The following NRXN3 variants were observed in gnomAD, a reference collection of about 807,000 sequenced individuals.
NRXN3 encodes neurexin III.
Under a neutral mutation model 137.6 loss-of-function variants are expected in NRXN3, and 32 were observed. The ratio of observed to expected loss-of-function variants is 0.23; its 90% CI spans 0.18 to 0.31. The LOEUF is 0.31. Ranked by LOEUF, NRXN3 falls within the 10% of genes least tolerant of loss-of-function variation. The pLI, the probability that NRXN3 is intolerant of heterozygous loss-of-function variation, is 1.00. For synonymous variants in NRXN3, 798 were observed against 784.5 expected (o/e 1.02, Z -0.29); for missense variants, 1,574 against 2,062.5 (o/e 0.76, Z 4.59).
chr14:78,512,865 G>A (rs1430261254), intron 4 of NRXN3, among the ~76,000 whole-genome samples: 1 of 152,134 alleles, frequency 6.6e-6, no homozygotes, highest in Non-Finnish European at 1.5e-5. Context: ...TATTCTTTCT[G>A]AGAAGGAAGT....
intron 15 of NRXN3, among the ~76,000 whole-genome samples, chr14:79,315,144 C>T (rs1011950290): frequency 2.6e-5 from 4 of 152,062 alleles, no homozygotes; most frequent in African/African-American, 9.7e-5. Context: ...TGTTGATTCC[C>T]ACGGCTGAGC....
chr14:78,997,060 A>T (rs539872145), intron 15 of NRXN3, among the ~76,000 whole-genome samples: 1 of 152,250 alleles, frequency 6.6e-6, no homozygotes, highest in East Asian at 1.9e-4. Context: ...ATCAGGGCTA[A>T]TATTAATATG....
intron 15 of NRXN3, among the ~76,000 whole-genome samples, chr14:79,360,115 A>G (rs1454640288): frequency 1.3e-5 from 2 of 152,226 alleles, no homozygotes; most frequent in Non-Finnish European, 2.9e-5. Flanking sequence ...GAGGCCACAA[A>G]TCAAGGTGGT....
At chr14:79,837,757 A>G (rs1389857168) in intron 20 of NRXN3, among the ~76,000 whole-genome samples, 1 of 152,162 alleles carries the variant, frequency 6.6e-6, no homozygotes, top group African/African-American at 2.4e-5. Flanking sequence ...AAATAAATAA[A>G]TCTTCGAGAC....
intron 10 of NRXN3, among the ~76,000 whole-genome samples, chr14:78,916,419 A>G (rs1020562100): frequency 6.6e-6 from 1 of 152,210 alleles, no homozygotes; most frequent in Admixed American, 6.5e-5. Context: ...ATGGTAGGTC[A>G]CAGAAGCTTG....
chr14:78,439,870 C>T (rs2094187896), intron 4 of NRXN3, among the ~76,000 whole-genome samples: 1 of 152,182 alleles, frequency 6.6e-6, no homozygotes, highest in East Asian at 1.9e-4. Context: ...GCATTTCTGA[C>T]ATCTCATTCC....
At chr14:78,778,971 T>C (rs2098758437) in intron 8 of NRXN3, among the ~76,000 whole-genome samples, 1 of 151,946 alleles carries the variant, frequency 6.6e-6, no homozygotes, top group African/African-American at 2.4e-5. Flanking sequence ...AGTCCAAATA[T>C]GGATGCTCTG....
At chr14:79,183,695 G>A (rs1478875733) in intron 15 of NRXN3, among the ~76,000 whole-genome samples, 1 of 152,156 alleles carries the variant, frequency 6.6e-6, no homozygotes, top group Non-Finnish European at 1.5e-5. Context: ...TAATGGCTAT[G>A]TCTCTTACCG....
At chr14:79,672,990 A>G (rs1309651070) in intron 17 of NRXN3, among the ~76,000 whole-genome samples, 1 of 152,088 alleles carries the variant, frequency 6.6e-6, no homozygotes, top group Admixed American at 6.6e-5. Flanking sequence ...TGTCATTTAT[A>G]CTTCTATAAA....
intron 15 of NRXN3, among the ~76,000 whole-genome samples, chr14:79,075,902 T>C (rs975230564): frequency 3.3e-5 from 5 of 152,208 alleles, no homozygotes; most frequent in African/African-American, 7.2e-5. Context: ...TCAGATGCCA[T>C]TGGCCGTTTG....
At chr14:79,672,740 T>C (rs1213413868) in intron 17 of NRXN3, among the ~76,000 whole-genome samples, 1 of 152,006 alleles carries the variant, frequency 6.6e-6, no homozygotes, top group Non-Finnish European at 1.5e-5. Context: ...TAAAATACAA[T>C]TACCCTGTAC....
chr14:78,453,373 G>A (rs1348881718), intron 4 of NRXN3, among the ~76,000 whole-genome samples: 1 of 152,214 alleles, frequency 6.6e-6, no homozygotes, highest in Non-Finnish European at 1.5e-5. Flanking sequence ...CTTGGGAGGA[G>A]AAAGGGTGGA....
intron 10 of NRXN3, among the ~76,000 whole-genome samples, chr14:78,943,617 AAAAAATATATATATATATATATATAT>A (rs1402265178): frequency 3.5e-4 from 14 of 40,530 alleles, no homozygotes; most frequent in East Asian, 1.7e-3. Flanking sequence ...TGTTAAAAAA[AAAAAATATATATATATATATATATAT>A]ATATATATAT....
intron 4 of NRXN3, among the ~76,000 whole-genome samples, chr14:78,393,841 G>T (rs1275528277): frequency 6.6e-6 from 1 of 151,812 alleles, no homozygotes; most frequent in Non-Finnish European, 1.5e-5. Flanking sequence ...TTATATCTAA[G>T]TGCTTTAAGT....
intron 16 of NRXN3, among the ~76,000 whole-genome samples, chr14:79,565,599 G>A (rs191308366): frequency 8.6e-4 from 130 of 151,978 alleles, no homozygotes; most frequent in Non-Finnish European, 1.5e-3. Flanking sequence ...TCTAATTTCA[G>A]TAGGGTGGTG....
At chr14:79,357,896 C>T (rs1002606619) in intron 15 of NRXN3, among the ~76,000 whole-genome samples, 2 of 152,080 alleles carry the variant, frequency 1.3e-5, no homozygotes, top group Non-Finnish European at 2.9e-5. Context: ...GAATTTCTTC[C>T]CCTTTCCTCT....
intron 15 of NRXN3, among the ~76,000 whole-genome samples, chr14:79,405,259 C>T (rs1274585586): frequency 6.6e-6 from 1 of 152,078 alleles, no homozygotes; most frequent in South Asian, 2.1e-4. Flanking sequence ...ACAGCATGCT[C>T]GGAGGTAGAG....
chr14:78,526,448 T>C (rs549789547), intron 4 of NRXN3, among the ~76,000 whole-genome samples: 32 of 152,360 alleles, frequency 2.1e-4, no homozygotes, highest in Admixed American at 5.2e-4. Flanking sequence ...AGGAAAACTA[T>C]ATTCCAGTGT....
chr14:78,576,122 A>T (rs1038553899), intron 4 of NRXN3, among the ~76,000 whole-genome samples: 2 of 152,256 alleles, frequency 1.3e-5, no homozygotes, highest in Non-Finnish European at 2.9e-5. Flanking sequence ...TAATTAATGC[A>T]TTAATAATAC....
Sources: gnomAD v4.1 joint callset for allele counts (sites outside exome capture counted in the v4.1 genomes callset) on GRCh38, gnomAD v4.1.1 for gene constraint, MANE v1.5 for transcripts, NCBI Gene and HGNC (gene_info 2026-07-23, HGNC 2026-07-21) for gene names.